NLGN1: variants seen among roughly 807,000 people sequenced by gnomAD.
NLGN1 encodes the protein neuroligin 1, also known as neuroligin-1.
In NLGN1, 12 loss-of-function variants were observed where a neutral mutation model predicts 65.5. The ratio of observed to expected loss-of-function variants is 0.18; its 90% CI spans 0.12 to 0.30. The LOEUF (loss-of-function observed/expected upper bound fraction) is 0.30. Among genes scored for constraint, NLGN1 ranks in the 10% least tolerant of loss-of-function variants. The pLI is 1.00. For synonymous variants in NLGN1, 350 were observed against 359.5 expected, an observed-to-expected ratio of 0.97 and a Z score of 0.30; for missense variants, 750 against 1,007.1, an observed-to-expected ratio of 0.74 and a Z score of 3.46.
At chr3:174,236,401 A>G (rs1741722692) in intron 4 of NLGN1, among the ~76,000 whole-genome samples, 2 of 152,044 alleles carry the variant, frequency 1.3e-5, no homozygotes, top group Non-Finnish European at 2.9e-5. Flanking sequence ...TATTATTAAT[A>G]TTTAAAATTA....
At chr3:173,908,783 T>C (rs145751507) in intron 4 of NLGN1, among the ~76,000 whole-genome samples, 98 of 152,308 alleles carry the variant, frequency 6.4e-4, no homozygotes, top group African/African-American at 2.2e-3. Context: ...ATAAAAATAA[T>C]TTGGCTTGTT....
intron 3 of NLGN1, among the ~76,000 whole-genome samples, chr3:173,692,332 CTT>C (rs1034074453): frequency 1.3e-5 from 2 of 152,162 alleles, no homozygotes; most frequent in Non-Finnish European, 2.9e-5. Flanking sequence ...GCAGTTATCA[CTT>C]TTCTGTGTGA....
intron 2 of NLGN1, among the ~76,000 whole-genome samples, chr3:173,571,202 A>G (rs1017100655): frequency 6.6e-6 from 1 of 152,140 alleles, no homozygotes; most frequent in Non-Finnish European, 1.5e-5. Context: ...TAGGGAGCCA[A>G]TTTTTCTTAG....
intron 4 of NLGN1, among the ~76,000 whole-genome samples, chr3:174,133,999 T>G (rs1720727543): frequency 6.6e-6 from 1 of 151,658 alleles, no homozygotes; most frequent in Non-Finnish European, 1.5e-5. Context: ...GGACAAAGCT[T>G]TAAAGCCACT....
intron 4 of NLGN1, among the ~76,000 whole-genome samples, chr3:173,845,601 T>TGGAG (rs1238058233): frequency 7.3e-6 from 1 of 137,894 alleles, no homozygotes; most frequent in African/African-American, 2.7e-5. Flanking sequence ...GATAGGTAGG[T>TGGAG]GGATGGATAG....
At chr3:174,040,290 C>A (rs1023552871) in intron 4 of NLGN1, among the ~76,000 whole-genome samples, 1 of 152,098 alleles carries the variant, frequency 6.6e-6, no homozygotes, top group Non-Finnish European at 1.5e-5. Flanking sequence ...CAGTCTGTTA[C>A]TAGGTGAGGT....
chr3:174,010,515 G>C (rs1056772737), intron 4 of NLGN1, among the ~76,000 whole-genome samples: 1 of 152,068 alleles, frequency 6.6e-6, no homozygotes, highest in South Asian at 2.1e-4. Context: ...GAATAATTTT[G>C]TTAAGGCATC....
intron 4 of NLGN1, among the ~76,000 whole-genome samples, chr3:173,864,433 G>C (rs1015933580): frequency 6.6e-6 from 1 of 152,040 alleles, no homozygotes; most frequent in African/African-American, 2.4e-5. Context: ...TTTATCATAA[G>C]ACAATTTTTA....
intron 4 of NLGN1, among the ~76,000 whole-genome samples, chr3:173,915,906 T>C (rs956327800): frequency 7.9e-5 from 12 of 152,182 alleles, no homozygotes; most frequent in African/African-American, 2.9e-4. Flanking sequence ...TTTCTAATTT[T>C]TATTTTTTTA....
chr3:173,577,247 T>G (rs1745643135), intron 2 of NLGN1, among the ~76,000 whole-genome samples: 1 of 152,208 alleles, frequency 6.6e-6, no homozygotes, highest in Non-Finnish European at 1.5e-5. Flanking sequence ...GTTTAATGTA[T>G]TACACATAAG....
chr3:174,176,992 G>A (rs1047868316), intron 4 of NLGN1, among the ~76,000 whole-genome samples: 1 of 152,018 alleles, frequency 6.6e-6, no homozygotes, highest in Admixed American at 6.6e-5. Context: ...GTTCAGCGTA[G>A]CATAGGAGAT....
intron 1 of NLGN1, among the ~76,000 whole-genome samples, chr3:173,431,434 T>C (rs1237680166): frequency 6.6e-6 from 1 of 152,212 alleles, no homozygotes; most frequent in Admixed American, 6.6e-5. Context: ...AAAATCTTTC[T>C]TGTACATATA....
chr3:174,264,872 C>T (rs1747714608), intron 4 of NLGN1, among the ~76,000 whole-genome samples: 1 of 151,796 alleles, frequency 6.6e-6, no homozygotes, highest in Non-Finnish European at 1.5e-5. Context: ...GTGTGGATGT[C>T]CTTTCTGTTT....
At chr3:173,960,844 T>G (rs1404968311) in intron 4 of NLGN1, among the ~76,000 whole-genome samples, 1 of 152,014 alleles carries the variant, frequency 6.6e-6, no homozygotes, top group Non-Finnish European at 1.5e-5. Flanking sequence ...TAGTTAAATA[T>G]AAGATTATTC....
At chr3:173,690,135 C>T (rs1251564216) in intron 3 of NLGN1, among the ~76,000 whole-genome samples, 1 of 152,050 alleles carries the variant, frequency 6.6e-6, no homozygotes, top group African/African-American at 2.4e-5. Context: ...ACTGAGTGAG[C>T]CCATTTTATA....
chr3:173,945,393 G>T (rs926294109), intron 4 of NLGN1, among the ~76,000 whole-genome samples: 10 of 151,982 alleles, frequency 6.6e-5, no homozygotes, highest in Admixed American at 1.3e-4. Flanking sequence ...TGCAGAGCTG[G>T]CTGGAATGTG....
chr3:174,050,085 A>G (rs1241070722), intron 4 of NLGN1, among the ~76,000 whole-genome samples: 1 of 152,200 alleles, frequency 6.6e-6, no homozygotes, highest in Non-Finnish European at 1.5e-5. Flanking sequence ...TTAAAAAGTT[A>G]TAAGAACAGT....
intron 3 of NLGN1, among the ~76,000 whole-genome samples, chr3:173,657,987 C>T (rs1239200498): frequency 6.6e-6 from 1 of 151,584 alleles, no homozygotes; most frequent in Non-Finnish European, 1.5e-5. Context: ...TCAGCAATAT[C>T]CAGTAAAGGG....
chr3:174,127,427 G>A (rs187327441), intron 4 of NLGN1, among the ~76,000 whole-genome samples: 11 of 152,052 alleles, frequency 7.2e-5, no homozygotes, highest in Admixed American at 2.0e-4. Flanking sequence ...TTTTTTACTC[G>A]TAATAGCTAA....
Sources: gnomAD v4.1 joint callset for allele counts (sites outside exome capture counted in the v4.1 genomes callset) on GRCh38, gnomAD v4.1.1 for gene constraint, MANE v1.5 for transcripts, NCBI Gene and HGNC (gene_info 2026-07-23, HGNC 2026-07-21) for gene names.